The following ARHGAP26 variants were observed in gnomAD, a reference collection of about 807,000 sequenced individuals.
The protein encoded by ARHGAP26 is Rho GTPase activating protein 26.
Under a neutral mutation model 104.8 loss-of-function variants are expected in ARHGAP26, and 38 were observed. The observed-to-expected ratio is 0.36, with a 90% CI of 0.28 to 0.48. ARHGAP26 has a LOEUF of 0.48. Among genes scored for constraint, ARHGAP26 ranks in the 20% least tolerant of loss-of-function variants. ARHGAP26 has a pLI of 0.99. For synonymous variants in ARHGAP26, 341 were observed against 340.0 expected, an observed-to-expected ratio of 1.00 and a Z score of -0.03; for missense variants, 704 against 947.9, an observed-to-expected ratio of 0.74 and a Z score of 3.38.
chr5:142,889,737 A>C (rs1223541000), intron 5 of ARHGAP26, among the ~76,000 whole-genome samples: 2 of 152,214 alleles, frequency 1.3e-5, no homozygotes, highest in African/African-American at 4.8e-5. Context: ...AACTGAGCCC[A>C]GAAGGAATGA....
chr5:142,784,267 G>A (rs1758094699), intron 1 of ARHGAP26, among the ~76,000 whole-genome samples: 1 of 152,212 alleles, frequency 6.6e-6, no homozygotes. Context: ...ATAGGAAATT[G>A]GAGTGGAACT....
At chr5:143,029,213 T>C (rs3776359) in intron 12 of ARHGAP26, among the ~76,000 whole-genome samples, 24,720 of 151,996 alleles carry the variant, frequency 0.16, 5,421 homozygotes, top group African/African-American at 0.5. Flanking sequence ...TTTAAGGGTG[T>C]TGAAATTGAT....
intron 18 of ARHGAP26, among the ~76,000 whole-genome samples, chr5:143,131,599 C>G (rs1022861969): frequency 1.3e-5 from 2 of 152,208 alleles, no homozygotes; most frequent in Non-Finnish European, 2.9e-5. Flanking sequence ...ATGTTTGGGA[C>G]ACCAGCTTTT....
At chr5:143,054,612 A>T in intron 15 of ARHGAP26, 86 bp downstream of exon 15, 1 of 968,682 alleles carries the variant, frequency 1.0e-6, no homozygotes, top group Admixed American at 2.1e-5. Flanking sequence ...GACTCCGGAG[A>T]GCTGTCGGGT....
chr5:142,920,671 A>G (rs976278331), intron 10 of ARHGAP26, among the ~76,000 whole-genome samples: 17 of 152,340 alleles, frequency 1.1e-4, no homozygotes, highest in Non-Finnish European at 4.4e-5. Flanking sequence ...AGAGGTGGGC[A>G]GCAAGGATAG....
intron 10 of ARHGAP26, chr5:142,921,492 T>C (rs530794801): frequency 9.6e-5 from 16 of 167,220 alleles, no homozygotes; most frequent in African/African-American, 3.8e-4. Context: ...ACTAAACTTT[T>C]AGCAGGTGCT....
intron 20 of ARHGAP26, among the ~76,000 whole-genome samples, chr5:143,178,829 T>A (rs1250433133): frequency 1.3e-5 from 2 of 152,206 alleles, no homozygotes; most frequent in African/African-American, 4.8e-5. Flanking sequence ...CTAGAAATCA[T>A]CTGACTCTAG....
chr5:142,907,622 T>G, intron 8 of ARHGAP26, 82 bp from the exon 9 acceptor site: 1 of 824,690 alleles, frequency 1.2e-6, no homozygotes, highest in Non-Finnish European at 1.9e-6. Context: ...CATTATGAAT[T>G]ATGGGTTGTG....
At chr5:143,032,759 T>TTTA (rs1782063878) in intron 12 of ARHGAP26, among the ~76,000 whole-genome samples, 1 of 152,210 alleles carries the variant, frequency 6.6e-6, no homozygotes, top group African/African-American at 2.4e-5. Context: ...AATAAAACCG[T>TTTA]TGTTAATTAT....
In ARHGAP26 at chr5:142,934,585, C is replaced by G. The variant is rs3776395; in HGVS notation, c.1107+2460C>G. ...GACAATTAGCAGCTCCAGCTTTAAT[C>G]ACCATCTCCCTAATGAGTTAAATCT... is the stretch of plus-strand genomic sequence containing the variant. On this transcript the variant is annotated intron_variant, in intron 11 of 22. Coordinates refer to ENST00000645722, the MANE Select transcript of ARHGAP26 (RefSeq NM_001135608.3). 6.7e-3 allele frequency among the ~76,000 whole-genome samples: 1,023 copies of G among 152,330 alleles called. 32 individuals carry two copies. Among genetic ancestry groups the G allele is most frequent in the East Asian group, 0.045 (232 of 5,180 alleles).
intron 19 of ARHGAP26, among the ~76,000 whole-genome samples, chr5:143,140,267 T>C (rs1233941127): frequency 6.6e-6 from 1 of 152,170 alleles, no homozygotes; most frequent in Non-Finnish European, 1.5e-5. Flanking sequence ...AACATCTCTT[T>C]GAATCACTGT....
At chr5:143,062,020 A>C (rs779565035) in intron 17 of ARHGAP26, among the ~76,000 whole-genome samples, 7 of 152,182 alleles carry the variant, frequency 4.6e-5, no homozygotes, top group Non-Finnish European at 8.8e-5. Flanking sequence ...TTGTGGGAGG[A>C]TTGGATATCA....
At chr5:143,135,508 A>G (rs1797807581) in intron 19 of ARHGAP26, among the ~76,000 whole-genome samples, 1 of 152,188 alleles carries the variant, frequency 6.6e-6, no homozygotes, top group Non-Finnish European at 1.5e-5. Context: ...TTTTGTCACC[A>G]AAAAGGTGCT....
chr5:143,125,867 A>C (rs900919240), intron 18 of ARHGAP26, among the ~76,000 whole-genome samples: 1 of 152,208 alleles, frequency 6.6e-6, no homozygotes, highest in Non-Finnish European at 1.5e-5. Context: ...TTTACAAATT[A>C]TAAGCCTGAA....
At chr5:142,940,789 G>T (rs982043098) in intron 11 of ARHGAP26, among the ~76,000 whole-genome samples, 68 of 152,140 alleles carry the variant, frequency 4.5e-4, no homozygotes, top group African/African-American at 1.5e-3. Context: ...TATGGTTAAA[G>T]AATTTGGCCA....
At chr5:142,868,065 G>A (rs1382668265) in intron 1 of ARHGAP26, 1 of 152,252 alleles carries the variant, frequency 6.6e-6, no homozygotes, top group African/African-American at 2.4e-5. Context: ...TAGTTGGGGA[G>A]GCATTACTTG....
At chr5:142,968,447 A>G (rs982878345) in intron 11 of ARHGAP26, among the ~76,000 whole-genome samples, 4 of 152,226 alleles carry the variant, frequency 2.6e-5, no homozygotes, top group African/African-American at 9.6e-5. Flanking sequence ...TATATTTCAA[A>G]AAATTTTTAA....
intron 1 of ARHGAP26, among the ~76,000 whole-genome samples, chr5:142,804,752 G>A (rs423856): frequency 0.19 from 29,541 of 152,080 alleles, 4,286 homozygotes; most frequent in African/African-American, 0.4. Context: ...TTGGCTTCCC[G>A]AAGTTCTGGG....
intron 16 of ARHGAP26, 132 bp from the exon 17 acceptor site, chr5:143,057,509 CA>C: frequency 1.4e-6 from 1 of 736,870 alleles, no homozygotes; most frequent in Non-Finnish European, 2.3e-6. Flanking sequence ...AGTATGCACA[CA>C]AGACAGGATT....
Sources: gnomAD v4.1 joint callset for allele counts (sites outside exome capture counted in the v4.1 genomes callset) on GRCh38, gnomAD v4.1.1 for gene constraint, MANE v1.5 for transcripts, NCBI Gene and HGNC (gene_info 2026-07-23, HGNC 2026-07-21) for gene names.